NBPF3: variants seen among roughly 807,000 people sequenced by gnomAD.
NBPF3 encodes NBPF family member NBPF3.
NBPF3 carries 57 observed loss-of-function variants against 78.1 expected under a neutral mutation model. That is an observed-to-expected ratio of 0.73 (90% CI 0.59 to 0.91). The LOEUF (loss-of-function observed/expected upper bound fraction) is 0.91. Among genes scored for constraint, NBPF3 ranks in the 40% least tolerant of loss-of-function variants. The probability of loss-of-function intolerance (pLI) is 0.00; values close to 1 mark genes in which losing one functional copy is unlikely to be tolerated. For synonymous variants in NBPF3, 182 were observed against 271.7 expected (o/e 0.67, Z 3.25); for missense variants, 510 against 715.3 (o/e 0.71, Z 3.27).
At chr1:21,439,489 C>CA (rs11343168), upstream of NBPF3, among the ~76,000 whole-genome samples, 45 of 147,886 alleles carry the variant, frequency 3.0e-4, no homozygotes, top group African/African-American at 9.3e-4. Flanking sequence ...GACTCTATCT[C>CA]AAAAAAAAAA....
At chr1:21,468,251 A>C (rs765605884) in intron 2 of NBPF3, 4 of 301,784 alleles carry the variant, frequency 1.3e-5, no homozygotes, top group Non-Finnish European at 2.2e-5. Flanking sequence ...TGGGAAAGAG[A>C]TGGGTCTGTG....
chr1:21,457,120 A>G (rs1312783243), intron 2 of NBPF3, among the ~76,000 whole-genome samples: 2 of 152,088 alleles, frequency 1.3e-5, no homozygotes, highest in Non-Finnish European at 2.9e-5. Context: ...TAACTTCTAA[A>G]TACATGTGCT....
At chr1:21,465,970 A>G (rs1361966107) in intron 2 of NBPF3, 5 of 244,208 alleles carry the variant, frequency 2.0e-5, no homozygotes, top group Non-Finnish European at 3.3e-5. Context: ...TGTTCCTTTC[A>G]GTTTTAGGAC....
intron 2 of NBPF3, among the ~76,000 whole-genome samples, chr1:21,461,083 AGT>A (rs1243003774): frequency 1.3e-5 from 2 of 152,202 alleles, no homozygotes; most frequent in African/African-American, 4.8e-5. Context: ...GAAAATATTA[AGT>A]GTGTGGGAAT....
chr1:21,446,489 C>CCTTT, intron 2 of NBPF3: 1 of 142,852 alleles, frequency 7.0e-6, no homozygotes, highest in African/African-American at 2.6e-5. Flanking sequence ...TTCCTTCCTT[C>CCTTT]CTTCCCTACT....
At position 21,468,306 on chromosome 1, in the gene NBPF3, G is replaced by A. The variant is rs1642389085; in HGVS notation, c.134-382G>A. On this transcript the variant is annotated intron_variant, in intron 2 of 14. Coordinates refer to ENST00000318249, the MANE Select transcript of NBPF3 (RefSeq NM_032264.6). ...CGAACACTGAGAGTGAATTTTAGAG[G>A]AATGATCCCCATTGGTGGTGACCCT... 3.9e-5 allele frequency: 32 copies of A among 826,000 alleles called. 1 individual carries two copies. The South Asian group carries it at 9.3e-4, about 24-fold the overall frequency. The allele number at this position is 826,000 out of a possible 1,614,324, so 51.2% of individuals were successfully genotyped here. A position where few individuals can be genotyped will look rare whatever the true frequency, so the allele number is the denominator to read the frequency against.
intron 2 of NBPF3, among the ~76,000 whole-genome samples, chr1:21,466,330 C>G (rs1371976270): frequency 1.3e-5 from 2 of 152,170 alleles, no homozygotes; most frequent in African/African-American, 4.8e-5. Context: ...AATTTAATCT[C>G]AAAACAGGAA....
At chr1:21,459,927 C>CTGTGCAGTGG (rs368494805) in intron 2 of NBPF3, 16 of 108,918 alleles carry the variant, frequency 1.5e-4, no homozygotes, top group East Asian at 3.5e-4. Flanking sequence ...CCAGTCTTTG[C>CTGTGCAGTGG]CAACCAGGAC....
At chr1:21,437,821 A>AT (rs3053525), upstream of NBPF3, among the ~76,000 whole-genome samples, 8 of 143,486 alleles carry the variant, frequency 5.6e-5, no homozygotes, top group East Asian at 2.1e-4. Flanking sequence ...TGCCTGGCTA[A>AT]TTTTTTTTTT....
chr1:21,478,793 T>G (rs1643020582), intron 9 of NBPF3, among the ~76,000 whole-genome samples: 1 of 152,254 alleles, frequency 6.6e-6, no homozygotes, highest in African/African-American at 2.4e-5. Flanking sequence ...CCCTTTTCTG[T>G]GTCTTCTAAG....
chr1:21,460,024 G>A lies in NBPF3; in HGVS notation c.134-8664G>A. 2.7e-5 allele frequency: 1 copy of A among 37,564 alleles called. No homozygotes were observed. The highest frequency in any genetic ancestry group is 7.6e-5 in the Non-Finnish European group (1 of 13,196). The allele number at this position is 37,564 out of a possible 1,614,324, so 2.3% of individuals were successfully genotyped here. A position where few individuals can be genotyped will look rare whatever the true frequency, so the allele number is the denominator to read the frequency against. The stretch of plus-strand genomic sequence containing the variant: ...GGGTGAGTCCTTGTTGCCCACGATG[G>A]CCGCGAACCTAACAGGTCCCATCCG... On this transcript the variant is annotated intron_variant, in intron 2 of 14. Coordinates refer to ENST00000318249, the MANE Select transcript of NBPF3 (RefSeq NM_032264.6). The surrounding 1 kb of genome is among the most constrained non-coding windows in gnomAD (Gnocchi z 4.2).
chr1:21,473,596 T>C lies in NBPF3; in HGVS notation c.940+11T>C. On this transcript the variant is annotated intron_variant, in intron 7 of 14. Transcript: ENST00000318249. ...TATGCATTATCCCAGGTAGCCTCTA[T>C]TTTCCTGTGTCTCACACCTTTTCCT... The C allele has an allele frequency of 6.2e-7, 1 of 1,608,668 alleles. No individual in the cohort carries two copies. Among genetic ancestry groups the C allele is most frequent in the East Asian group, 2.2e-5 (1 of 44,878 alleles).
chr1:21,468,921 A>G (rs760401828), intron 3 of NBPF3, 24 bp downstream of exon 3: 105 of 1,556,592 alleles, frequency 6.7e-5, no homozygotes, highest in Non-Finnish European at 8.7e-5. Context: ...GCTCACCATC[A>G]CAAAAGCGAT....
intron 3 of NBPF3, 152 bp downstream of exon 3, chr1:21,469,049 G>A (rs1479693548): frequency 8.6e-6 from 6 of 701,098 alleles, no homozygotes; most frequent in African/African-American, 1.8e-5. Context: ...GTTAAATTGG[G>A]AAGTCAGAGG....
At chr1:21,458,783 A>G (rs988577331) in intron 2 of NBPF3, among the ~76,000 whole-genome samples, 3 of 152,224 alleles carry the variant, frequency 2.0e-5, no homozygotes, top group Non-Finnish European at 4.4e-5. Flanking sequence ...GCAAAGGGGT[A>G]CAAGAAACTT....
At chr1:21,475,338 C>T (rs1237342787) in intron 8 of NBPF3, among the ~76,000 whole-genome samples, 1 of 152,188 alleles carries the variant, frequency 6.6e-6, no homozygotes, top group Non-Finnish European at 1.5e-5. Context: ...TTCTCTAGTT[C>T]TTTTAATTGT....
At chr1:21,457,167 C>CGTGTGTGT (rs56310866) in intron 2 of NBPF3, among the ~76,000 whole-genome samples, 4,714 of 149,740 alleles carry the variant, frequency 0.031, 242 homozygotes, top group African/African-American at 0.11. Context: ...TGGTGGCTCA[C>CGTGTGTGT]GTGTGTGTGT....
upstream of NBPF3, among the ~76,000 whole-genome samples, chr1:21,438,117 G>C (rs1640460582): frequency 6.7e-6 from 1 of 148,610 alleles, no homozygotes; most frequent in Admixed American, 6.7e-5. Flanking sequence ...ACCATGCCTG[G>C]GCTATTTATT....
chr1:21,471,056 C>T (rs1481213526), intron 4 of NBPF3, among the ~76,000 whole-genome samples: 1 of 116,498 alleles, frequency 8.6e-6, no homozygotes, highest in Non-Finnish European at 2.1e-5. Flanking sequence ...CCATCACCAC[C>T]CCACTCACCC....
Sources: allele counts gnomAD v4.1 joint callset (sites outside exome capture counted in the v4.1 genomes callset), GRCh38; gene constraint gnomAD v4.1.1; non-coding constraint Gnocchi (gnomAD v3.1); transcripts MANE v1.5; gene names NCBI Gene and HGNC (gene_info 2026-07-23, HGNC 2026-07-21).